SRSF12: variants seen among roughly 807,000 people sequenced by gnomAD.
SRSF12 encodes the protein serine and arginine rich splicing factor 12, also known as serine/arginine-rich splicing factor 12.
A neutral mutation model predicts 34.1 loss-of-function variants in SRSF12; 21 were observed. That is an observed-to-expected ratio of 0.62 (90% CI 0.44 to 0.89). SRSF12 has a LOEUF of 0.89. Ranked by LOEUF, SRSF12 falls within the 40% of genes least tolerant of loss-of-function variation. The pLI is 0.00. For missense variants in SRSF12, 278 were observed against 327.8 expected (o/e 0.85, Z 1.17); for synonymous variants, 111 against 110.8 (o/e 1.00, Z -0.01).
chr6:89,112,316 T>C (rs1228119139), intron 1 of SRSF12, among the ~76,000 whole-genome samples: 1 of 152,192 alleles, frequency 6.6e-6, no homozygotes, highest in African/African-American at 2.4e-5. Flanking sequence ...CTGCTTTTAA[T>C]TTTTTAAAAA....
chr6:89,112,805 A>C (rs774882150), intron 1 of SRSF12, among the ~76,000 whole-genome samples: 88 of 152,220 alleles, frequency 5.8e-4, no homozygotes, highest in Non-Finnish European at 1.1e-3. Flanking sequence ...GATGAACCAT[A>C]TATATCATGG....
intron 3 of SRSF12, 42 bp from the exon 4 acceptor site, chr6:89,105,302 T>C (rs1391008005): frequency 3.8e-6 from 6 of 1,581,904 alleles, no homozygotes; most frequent in Non-Finnish European, 5.2e-6. Flanking sequence ...ATTCGTTACC[T>C]GAACACCACA....
chr6:89,103,205 AG>A (rs1240735425), intron 4 of SRSF12, among the ~76,000 whole-genome samples: 1 of 152,234 alleles, frequency 6.6e-6, no homozygotes, highest in African/African-American at 2.4e-5. Flanking sequence ...GAGACAGTCA[AG>A]TATTATACTT....
rs964558584 is a variant in SRSF12, at chr6:89,098,541, T to C, written c.*37A>G. On this transcript the variant is annotated 3_prime_UTR_variant, in exon 5 of 5. Coordinates refer to ENST00000452027, the MANE Select transcript of SRSF12 (RefSeq NM_080743.5). ...TTAACATAATGAGAGTTTAATAACTTATATTAAAGACGGCGTGGTGCTCTT... is the reference window on the plus strand; with the variant it reads ...TTAACATAATGAGAGTTTAATAACTCATATTAAAGACGGCGTGGTGCTCTT... 4 of 1,549,172 alleles carry C rather than the reference T, an allele frequency of 2.6e-6. No individual in the cohort carries two copies. The highest frequency in any genetic ancestry group is 3.5e-6 in the Non-Finnish European group (4 of 1,149,852).
rs542975792 is a variant in SRSF12 at position 89,099,452 on chromosome 6, G to T, written c.417-505C>A. Among the ~76,000 whole-genome samples the T allele has an allele frequency of 8.9e-4, 125 of 139,892 alleles. 5 individuals carry two copies. Among genetic ancestry groups the T allele is most frequent in the African/African-American group, 3.3e-3 (121 of 36,796 alleles). 91.8% of individuals were successfully genotyped at this position (139,892 alleles called of 152,430 possible). On this transcript the variant is annotated intron_variant, in intron 4 of 4. Coordinates refer to ENST00000452027, the MANE Select transcript of SRSF12 (RefSeq NM_080743.5). ...TGTGTATATATATACACATATATATGTGTGTATATATGTGTGTGTATATAT... is the reference window on the plus strand; with the variant it reads ...TGTGTATATATATACACATATATATTTGTGTATATATGTGTGTGTATATAT...
chr6:89,107,639 G>A (rs1768858782), intron 1 of SRSF12, among the ~76,000 whole-genome samples: 1 of 152,104 alleles, frequency 6.6e-6, no homozygotes, highest in East Asian at 1.9e-4. Flanking sequence ...GCTGAGGCGG[G>A]AGAATCACCT....
chr6:89,099,445 T>TATATGTGTGTATATATATACAC (rs1768422167), intron 4 of SRSF12, among the ~76,000 whole-genome samples: 9 of 91,332 alleles, frequency 9.9e-5, no homozygotes, highest in Non-Finnish European at 2.0e-4. Flanking sequence ...TATATACACA[T>TATATGTGTGTATATATATACAC]ATATATGTGT....
Position 89,105,496 on chromosome 6 carries a change from A to G in SRSF12, c.205T>C (p.Tyr69His), listed in dbSNP as rs1768741337. The change falls in exon 3 of 5, where the codon TAT becomes CAT. Residue 69 changes from tyrosine to histidine, a missense_variant. Physicochemically the swap from Tyr to His is moderately conservative, Grantham distance 83. Coordinates refer to ENST00000452027, the MANE Select transcript of SRSF12 (RefSeq NM_080743.5). ...CATACCCACTTTCTATTGAGGTTAT[A>G]AAGAGCATCTTCAGCATCTCGAACA... ...EDVRDAEDALYNLNRKWVCGR... is the reference protein window; with the variant it reads ...EDVRDAEDALHNLNRKWVCGR... The G allele has an allele frequency of 3.1e-6, 5 of 1,610,132 alleles. No homozygotes were observed. The highest frequency in any genetic ancestry group is 4.2e-6 in the Non-Finnish European group (5 of 1,178,512).
At chr6:89,103,408 A>C (rs535749846) in intron 4 of SRSF12, among the ~76,000 whole-genome samples, 1 of 151,684 alleles carries the variant, frequency 6.6e-6, no homozygotes, top group African/African-American at 2.4e-5. Flanking sequence ...AGCTCACTGC[A>C]ACCTCTGCCT....
intron 1 of SRSF12, among the ~76,000 whole-genome samples, chr6:89,112,237 C>T (rs545705840): frequency 6.6e-6 from 1 of 152,118 alleles, no homozygotes; most frequent in Non-Finnish European, 1.5e-5. Flanking sequence ...TTTAAAATTT[C>T]TTTAGTTCTT....
intron 1 of SRSF12, among the ~76,000 whole-genome samples, chr6:89,111,019 G>A (rs933451975): frequency 5.3e-5 from 8 of 151,988 alleles, no homozygotes; most frequent in African/African-American, 1.9e-4. Context: ...GGCTGAGGAA[G>A]AAGAATCACT....
intron 4 of SRSF12, among the ~76,000 whole-genome samples, chr6:89,104,544 A>T (rs762517505): frequency 1.1e-4 from 17 of 150,648 alleles, no homozygotes; most frequent in Non-Finnish European, 2.1e-4. Flanking sequence ...CTGAGTATGT[A>T]TTTTTTTTTA....
rs1006159691 is a variant in SRSF12 at position 89,098,418 on chromosome 6, A to C, written c.*160T>G. ...GTGTGGGCCCTTTAAATGGAGACCA[A>C]ATTTTTATTAATCCAAAGCTAGAGA... On this transcript the variant is annotated 3_prime_UTR_variant, in exon 5 of 5. Coordinates refer to ENST00000452027, the MANE Select transcript of SRSF12 (RefSeq NM_080743.5). 2.1e-6 allele frequency: 2 copies of C among 961,174 alleles called. No homozygotes were observed. The highest frequency in any genetic ancestry group is 3.6e-5 in the Admixed American group (1 of 27,624). 59.5% of individuals were successfully genotyped at this position (961,174 alleles called of 1,614,324 possible). A position where few individuals can be genotyped will look rare whatever the true frequency, so the allele number is the denominator to read the frequency against.
chr6:89,097,579 C>T lies in SRSF12; in HGVS notation c.*999G>A, dbSNP rs1227495717. On this transcript the variant is annotated 3_prime_UTR_variant, in exon 5 of 5. Transcript: ENST00000452027. The stretch of plus-strand genomic sequence containing the variant: ...ATGTTGCCCAGGCTGGTCTCAATCT[C>T]CTGGCCTCAAGCAATCTGCCCGCCT... 1 of 151,930 alleles carries T rather than the reference C, an allele frequency of 6.6e-6. No individual in the cohort carries two copies. The highest frequency in any genetic ancestry group is 2.4e-5 in the African/African-American group (1 of 41,344). 9.4% of individuals were successfully genotyped at this position (151,930 alleles called of 1,614,324 possible). A position where few individuals can be genotyped will look rare whatever the true frequency, so the allele number is the denominator to read the frequency against.
At chr6:89,103,833 T>C (rs533411564) in intron 4 of SRSF12, among the ~76,000 whole-genome samples, 61 of 152,320 alleles carry the variant, frequency 4.0e-4, no homozygotes, top group Middle Eastern at 6.8e-3. Flanking sequence ...AATAAATAAC[T>C]TGAAAATATC....
intron 1 of SRSF12, among the ~76,000 whole-genome samples, chr6:89,116,618 T>C (rs537900971): frequency 1.1e-4 from 17 of 151,890 alleles, no homozygotes; most frequent in African/African-American, 3.9e-4. Context: ...CTACTAAAAA[T>C]ATAAAAATTA....
chr6:89,117,354 C>T (rs1412415171), intron 1 of SRSF12, among the ~76,000 whole-genome samples: 1 of 152,206 alleles, frequency 6.6e-6, no homozygotes, highest in Non-Finnish European at 1.5e-5. Context: ...GGCCCGAGTA[C>T]GCATTATGGT....
chr6:89,098,976 T>C (rs767921907), intron 4 of SRSF12, 29 bp from the exon 5 acceptor site: 1 of 1,571,510 alleles, frequency 6.4e-7, no homozygotes. Context: ...TTAGAGCATA[T>C]ATTTCACACA....
At position 89,097,128 on chromosome 6, in the gene SRSF12, T is replaced by G. The variant is rs1473776625; in HGVS notation, c.*1450A>C. On this transcript the variant is annotated 3_prime_UTR_variant, in exon 5 of 5. Coordinates refer to ENST00000452027, the MANE Select transcript of SRSF12 (RefSeq NM_080743.5). ...CTAATATGCAAAGAAAACTGGAATT[T>G]GTATTCAAAACAAATAGAAGCAACA... The G allele has an allele frequency of 6.6e-6, 1 of 152,196 alleles. No individual in the cohort carries two copies. The highest frequency in any genetic ancestry group is 1.5e-5 in the Non-Finnish European group (1 of 68,022). The allele number at this position is 152,196 out of a possible 1,614,324, so 9.4% of individuals were successfully genotyped here.
Sources: gnomAD v4.1 joint callset for allele counts (sites outside exome capture counted in the v4.1 genomes callset) on GRCh38, gnomAD v4.1.1 for gene constraint, MANE v1.5 for transcripts, NCBI Gene and HGNC (gene_info 2026-07-23, HGNC 2026-07-21) for gene names.